The following TMEM132D variants were observed in gnomAD, a reference collection of about 807,000 sequenced individuals.
TMEM132D encodes the protein mature OL transmembrane protein.
In TMEM132D, 21 loss-of-function variants were observed where a neutral mutation model predicts 62.3. The ratio of observed to expected loss-of-function variants is 0.34; its 90% CI spans 0.24 to 0.49. The LOEUF (loss-of-function observed/expected upper bound fraction) is 0.49, where lower values mean the gene tolerates loss of function less well. TMEM132D is among the 20% of genes least tolerant of loss of function. The probability of loss-of-function intolerance (pLI) is 0.99; values close to 1 mark genes in which losing one functional copy is unlikely to be tolerated. For missense variants in TMEM132D, 1,346 were observed against 1,402.8 expected, an observed-to-expected ratio of 0.96 and a Z score of 0.65; for synonymous variants, 621 against 575.6, an observed-to-expected ratio of 1.08 and a Z score of -1.13.
chr12:129,806,874 A>G (rs7970216), intron 1 of TMEM132D, among the ~76,000 whole-genome samples: 140,982 of 151,926 alleles, frequency 0.93, 65,968 homozygotes, highest in Non-Finnish European at 0.99. Context: ...AAAATAAACA[A>G]ATAAATAAAA....
Position 129,214,029 on chromosome 12 carries a change from C to T in TMEM132D, c.1300-4366G>A, listed in dbSNP as rs892744433. 3.3e-5 allele frequency among the ~76,000 whole-genome samples: 5 copies of T among 152,216 alleles called. No individual in the cohort carries two copies. In the South Asian group the frequency reaches 6.2e-4, roughly 19 times the overall value. On this transcript the variant is annotated intron_variant, in intron 4 of 8. Coordinates refer to ENST00000422113, the MANE Select transcript of TMEM132D (RefSeq NM_133448.3). ...GGTATTTATACACCAAACCTAAGTGCTGCTCCTAAACAGACCACTGCTTAG... is the reference window on the plus strand; with the variant it reads ...GGTATTTATACACCAAACCTAAGTGTTGCTCCTAAACAGACCACTGCTTAG...
At chr12:129,635,941 T>C (rs1006437001) in intron 2 of TMEM132D, among the ~76,000 whole-genome samples, 1 of 152,252 alleles carries the variant, frequency 6.6e-6, no homozygotes, top group African/African-American at 2.4e-5. Flanking sequence ...ACTGTCCTGA[T>C]GCAGGGGCTG....
chr12:129,368,792 TG>T (rs1870505474), intron 3 of TMEM132D, among the ~76,000 whole-genome samples: 1 of 151,256 alleles, frequency 6.6e-6, no homozygotes, highest in Non-Finnish European at 1.5e-5. Flanking sequence ...CAAAAGGCTC[TG>T]ACATGAGGTC....
intron 3 of TMEM132D, among the ~76,000 whole-genome samples, chr12:129,452,430 T>C (rs1229331993): frequency 6.6e-6 from 1 of 152,190 alleles, no homozygotes. Context: ...TCACATTCCT[T>C]CCTCTTAGTT....
At chr12:129,363,846 GT>G in intron 3 of TMEM132D, among the ~76,000 whole-genome samples, 1 of 152,298 alleles carries the variant, frequency 6.6e-6, no homozygotes, top group African/African-American at 2.4e-5. Context: ...TTAAGTCAAT[GT>G]TGGCTTTTTC....
chr12:129,500,209 A>G (rs1294582770), intron 3 of TMEM132D, among the ~76,000 whole-genome samples: 1 of 145,616 alleles, frequency 6.9e-6, no homozygotes, highest in Non-Finnish European at 1.5e-5. Flanking sequence ...ACCTCCAACT[A>G]CATACCCTGA....
chr12:129,582,934 T>C (rs969176960), intron 2 of TMEM132D, among the ~76,000 whole-genome samples: 1 of 142,830 alleles, frequency 7.0e-6, no homozygotes, highest in Non-Finnish European at 1.5e-5. Flanking sequence ...CGAGTTTGTT[T>C]TTTGTTTTGT....
At chr12:129,350,387 ACTT>A (rs2087122328) in intron 3 of TMEM132D, among the ~76,000 whole-genome samples, 1 of 152,176 alleles carries the variant, frequency 6.6e-6, no homozygotes, top group Admixed American at 6.5e-5. Flanking sequence ...CTGCAGTTAA[ACTT>A]CTGGGAATAA....
chr12:129,295,616 T>C (rs1881556093), intron 4 of TMEM132D, among the ~76,000 whole-genome samples: 1 of 151,864 alleles, frequency 6.6e-6, no homozygotes, highest in Admixed American at 6.6e-5. Context: ...CAATTCTTTA[T>C]AATAATTAGT....
intron 2 of TMEM132D, among the ~76,000 whole-genome samples, chr12:129,662,425 C>T (rs1354967412): frequency 1.3e-5 from 2 of 152,130 alleles, no homozygotes; most frequent in African/African-American, 4.8e-5. Context: ...GGCTAATGAC[C>T]TATGTGGATA....
At chr12:129,615,946 T>C (rs1878905391) in intron 2 of TMEM132D, among the ~76,000 whole-genome samples, 1 of 152,152 alleles carries the variant, frequency 6.6e-6, no homozygotes, top group Non-Finnish European at 1.5e-5. Flanking sequence ...CCCTCCTACA[T>C]TCCTGTCACC....
chr12:129,539,403 T>TTC, intron 2 of TMEM132D, among the ~76,000 whole-genome samples: 1 of 106,364 alleles, frequency 9.4e-6, no homozygotes, highest in South Asian at 3.0e-4. Context: ...GGCTAATTTT[T>TTC]TCTTTTTTTT....
intron 4 of TMEM132D, among the ~76,000 whole-genome samples, chr12:129,323,430 T>A (rs900207955): frequency 6.6e-6 from 1 of 151,942 alleles, no homozygotes; most frequent in Non-Finnish European, 1.5e-5. Context: ...AAAAAAAATA[T>A]CTAGCATTAG....
intron 1 of TMEM132D, chr12:129,852,577 G>A (rs1265932014): frequency 2.0e-5 from 3 of 152,192 alleles, no homozygotes; most frequent in Non-Finnish European, 4.4e-5. Context: ...AAAAAACAAT[G>A]TACAACCAAT....
chr12:129,351,532 G>A (rs973732578), intron 3 of TMEM132D, among the ~76,000 whole-genome samples: 4 of 152,244 alleles, frequency 2.6e-5, no homozygotes, highest in East Asian at 1.9e-4. Flanking sequence ...TGCTTTGATC[G>A]AAGCCGAATG....
chr12:129,383,427 C>T (rs375078197), intron 3 of TMEM132D, among the ~76,000 whole-genome samples: 2 of 152,256 alleles, frequency 1.3e-5, no homozygotes, highest in African/African-American at 4.8e-5. Flanking sequence ...TACACTTTTA[C>T]ATTTCATGTC....
At position 129,420,695 on chromosome 12, in the gene TMEM132D, AC is replaced by A. The variant is rs550716618; in HGVS notation, c.1116-82879del. On this transcript the variant is annotated intron_variant, in intron 3 of 8. Transcript: ENST00000422113. ...CTCAGCAAGCTGGCAAGCGATAAAG[AC>A]CCCTGGTGAACACCTTCATTTTTTG... 2.6e-5 allele frequency among the ~76,000 whole-genome samples: 4 copies of A among 151,992 alleles called. No homozygotes were observed. The South Asian group carries it at 8.3e-4, about 32-fold the overall frequency.
intron 1 of TMEM132D, among the ~76,000 whole-genome samples, chr12:129,754,123 GAAGAA>G (rs1197410685): frequency 5.9e-5 from 9 of 152,204 alleles, no homozygotes. Flanking sequence ...GAAGAGATAT[GAAGAA>G]AAGAGCGGGA....
intron 2 of TMEM132D, among the ~76,000 whole-genome samples, chr12:129,623,716 T>TAC (rs1349552540): frequency 0.021 from 3,154 of 147,284 alleles, 113 homozygotes; most frequent in African/African-American, 0.073. Flanking sequence ...TACATATGCA[T>TAC]ATATATACAT....
Sources: allele counts gnomAD v4.1 joint callset (sites outside exome capture counted in the v4.1 genomes callset), GRCh38; gene constraint gnomAD v4.1.1; transcripts MANE v1.5; gene names NCBI Gene and HGNC (gene_info 2026-07-23, HGNC 2026-07-21).